KCNK2: variants seen among roughly 807,000 people sequenced by gnomAD.
The protein encoded by KCNK2 is potassium channel subfamily K member 2.
Under a neutral mutation model 40.5 loss-of-function variants are expected in KCNK2, and 21 were observed. The observed-to-expected ratio is 0.52, with a 90% CI of 0.37 to 0.75. The LOEUF (loss-of-function observed/expected upper bound fraction) is 0.75, where lower values mean the gene tolerates loss of function less well. KCNK2 is among the 30% of genes least tolerant of loss of function. KCNK2 has a pLI of 0.00. For missense variants in KCNK2, 399 were observed against 531.6 expected (o/e 0.75, Z 2.45); for synonymous variants, 191 against 202.2 (o/e 0.94, Z 0.47).
intron 2 of KCNK2, among the ~76,000 whole-genome samples, chr1:215,109,290 T>C (rs961794351): frequency 6.6e-6 from 1 of 152,078 alleles, no homozygotes; most frequent in African/African-American, 2.4e-5. Flanking sequence ...ACATTAGAAC[T>C]TATTTTTTCT....
intron 6 of KCNK2, among the ~76,000 whole-genome samples, chr1:215,203,028 TC>T (rs1476983221): frequency 6.6e-6 from 1 of 152,024 alleles, no homozygotes; most frequent in Non-Finnish European, 1.5e-5. Context: ...TCTTCCTCTC[TC>T]CTTTCTCCTC....
intron 6 of KCNK2, among the ~76,000 whole-genome samples, chr1:215,216,757 C>CT (rs1436733193): frequency 2.6e-5 from 4 of 152,020 alleles, no homozygotes; most frequent in Non-Finnish European, 5.9e-5. Context: ...ATTTTATGCT[C>CT]TTTTTTAATA....
chr1:215,209,856 A>T (rs1215952434), intron 6 of KCNK2, among the ~76,000 whole-genome samples: 3 of 74,716 alleles, frequency 4.0e-5, no homozygotes, highest in African/African-American at 1.6e-4. Flanking sequence ...TAACATATAT[A>T]ATATATATAA....
At chr1:215,207,095 A>G (rs1457802021) in intron 6 of KCNK2, among the ~76,000 whole-genome samples, 1 of 152,180 alleles carries the variant, frequency 6.6e-6, no homozygotes, top group Admixed American at 6.5e-5. Context: ...ATGATAATGT[A>G]TGTGCAAACA....
intron 2 of KCNK2, among the ~76,000 whole-genome samples, chr1:215,098,378 A>G (rs1003431647): frequency 3.9e-5 from 6 of 151,912 alleles, no homozygotes; most frequent in African/African-American, 1.5e-4. Flanking sequence ...CACTGGAACC[A>G]CTATTTGAAA....
chr1:215,167,868 A>C (rs990141449), intron 3 of KCNK2, among the ~76,000 whole-genome samples: 1 of 152,186 alleles, frequency 6.6e-6, no homozygotes, highest in Admixed American at 6.6e-5. Flanking sequence ...AACATTGAAA[A>C]ATGGAGTATA....
chr1:215,220,475 C>T (rs1050797468), intron 6 of KCNK2, among the ~76,000 whole-genome samples: 1 of 152,176 alleles, frequency 6.6e-6, no homozygotes, highest in African/African-American at 2.4e-5. Flanking sequence ...AACCCACACT[C>T]TGCTACCACC....
At chr1:215,089,191 A>G (rs1659588438) in intron 2 of KCNK2, among the ~76,000 whole-genome samples, 1 of 152,110 alleles carries the variant, frequency 6.6e-6, no homozygotes, top group South Asian at 2.1e-4. Flanking sequence ...TCGTAAGTCT[A>G]TCTATTGGGC....
At chr1:215,056,244 G>A (rs1364567776) in intron 1 of KCNK2, among the ~76,000 whole-genome samples, 2 of 145,888 alleles carry the variant, frequency 1.4e-5, no homozygotes, top group Non-Finnish European at 3.0e-5. Flanking sequence ...GGAGAGGGAG[G>A]TTACAGTGAG....
At chr1:215,184,414 C>T (rs184344045) in intron 5 of KCNK2, among the ~76,000 whole-genome samples, 41 of 152,126 alleles carry the variant, frequency 2.7e-4, no homozygotes, top group Admixed American at 5.2e-4. Flanking sequence ...TTATGTGACA[C>T]GTTTTATATT....
intron 1 of KCNK2, among the ~76,000 whole-genome samples, chr1:215,061,060 A>AT (rs1232162748): frequency 1.3e-5 from 2 of 152,164 alleles, no homozygotes; most frequent in Non-Finnish European, 2.9e-5. Flanking sequence ...AGATATTATG[A>AT]TTTTTTGACC....
At position 215,235,042 on chromosome 1, in the gene KCNK2, G is replaced by A. The variant is rs1666824301; in HGVS notation, c.1178G>A (p.Arg393Lys). The A allele has an allele frequency of 1.2e-6, 2 of 1,613,882 alleles. No individual in the cohort carries two copies. The highest frequency in any genetic ancestry group is 1.7e-5 in the Admixed American group (1 of 59,996). Residue 393 changes from arginine (R) to lysine (K), a missense_variant, in exon 7 of 7, where the codon AGG becomes AAG. This residue lies in a region of KCNK2 where 103 missense variants were observed against 124.3 expected (regional missense o/e 0.83). Coordinates refer to ENST00000444842, the MANE Select transcript of KCNK2 (RefSeq NM_001017425.3). Reference protein sequence around the residue: ...TLSVNHLTSERDVLPPLLKTE... With the variant: ...TLSVNHLTSEKDVLPPLLKTE... The stretch of plus-strand genomic sequence containing the variant: ...TCAGTGAACCACCTGACCAGCGAGA[G>A]GGATGTCTTGCCTCCCTTACTGAAG...
chr1:215,179,167 A>T (rs1352440100), intron 5 of KCNK2, among the ~76,000 whole-genome samples: 1 of 151,946 alleles, frequency 6.6e-6, no homozygotes, highest in Non-Finnish European at 1.5e-5. Context: ...GTCTCTGAGA[A>T]TCTTTTGGAC....
In KCNK2 at chr1:215,025,921, A is replaced by G. The variant is rs557317036; in HGVS notation, c.34+19966A>G. ...TTTATGTATTTTTACATTTTAATAA[A>G]TGTTGCCCAATTGCTTTCTTAAAAA... On this transcript the variant is annotated intron_variant, in intron 1 of 6. Coordinates refer to the KCNK2 transcript ENST00000391895. 5.3e-5 allele frequency among the ~76,000 whole-genome samples: 8 copies of G among 152,206 alleles called. No homozygotes were observed. In the South Asian group the frequency reaches 1.0e-3, roughly 20 times the overall value.
At chr1:215,035,905 C>T (rs888538280) in intron 1 of KCNK2, among the ~76,000 whole-genome samples, 5 of 145,072 alleles carry the variant, frequency 3.4e-5, no homozygotes, top group African/African-American at 7.6e-5. Context: ...TTTGGTATTG[C>T]GGATTTTGAT....
rs916451667 is a variant in KCNK2 at position 215,172,903 on chromosome 1, C to T, written c.823+720C>T. 2.0e-5 allele frequency among the ~76,000 whole-genome samples: 3 copies of T among 151,986 alleles called. No individual in the cohort carries two copies. The East Asian group carries it at 5.8e-4, about 29-fold the overall frequency. ...AACTCCTGAACTTAGGTGCCTCAGC[C>T]TCTGAAAGTGCTGGGATTACAGGCA... On this transcript the variant is annotated intron_variant, in intron 5 of 6. Coordinates refer to ENST00000444842, the MANE Select transcript of KCNK2 (RefSeq NM_001017425.3).
At chr1:215,135,551 C>T (rs1269159224) in intron 3 of KCNK2, among the ~76,000 whole-genome samples, 2 of 151,210 alleles carry the variant, frequency 1.3e-5, no homozygotes, top group South Asian at 2.1e-4. Context: ...AGCTTTAATT[C>T]ATACCCCTAA....
upstream of KCNK2, chr1:215,005,735 C>T (rs1656104261): frequency 7.1e-6 from 4 of 564,968 alleles, no homozygotes; most frequent in East Asian, 2.9e-5. Context: ...AGCGTTTGTT[C>T]GTTTTGAGTG....
intron 3 of KCNK2, among the ~76,000 whole-genome samples, chr1:215,158,768 G>A (rs1558117947): frequency 6.6e-6 from 1 of 152,100 alleles, no homozygotes; most frequent in Non-Finnish European, 1.5e-5. Flanking sequence ...TAACTCAGAC[G>A]CCTGCCCTAC....
Sources: allele counts gnomAD v4.1 joint callset (sites outside exome capture counted in the v4.1 genomes callset), GRCh38; gene constraint gnomAD v4.1.1; regional missense constraint gnomAD v4.1.1; transcripts MANE v1.5; gene names NCBI Gene and HGNC (gene_info 2026-07-23, HGNC 2026-07-21).